Variants in LCORL observed in about 807,000 individuals in gnomAD.
LCORL encodes the protein ligand-dependent nuclear receptor corepressor-like protein.
A neutral mutation model predicts 141.8 loss-of-function variants in LCORL; 41 were observed. That is an observed-to-expected ratio of 0.29 (90% CI 0.23 to 0.38). LCORL has a LOEUF of 0.38. Among genes scored for constraint, LCORL ranks in the 10% least tolerant of loss-of-function variants. The probability of loss-of-function intolerance (pLI) is 1.00; values close to 1 mark genes in which losing one functional copy is unlikely to be tolerated. For missense variants in LCORL, 1,759 were observed against 2,035.0 expected (o/e 0.86, Z 2.61); for synonymous variants, 618 against 694.1 (o/e 0.89, Z 1.72).
intron 5 of LCORL, among the ~76,000 whole-genome samples, chr4:17,898,015 C>A (rs551294475): frequency 1.5e-4 from 23 of 152,230 alleles, no homozygotes; most frequent in African/African-American, 4.8e-4. Context: ...CGTTTCCAAT[C>A]CACATGTAAT....
chr4:17,873,584 T>C (rs912034747), exon 7 of LCORL: 11 of 1,233,764 alleles, frequency 8.9e-6, no homozygotes, highest in Non-Finnish European at 1.1e-5. Flanking sequence ...GGTCAGCAAA[T>C]TCATCAGCTG....
At chr4:17,972,928 G>T in intron 1 of LCORL, 43 bp from the exon 2 acceptor site, 2 of 911,742 alleles carry the variant, frequency 2.2e-6, no homozygotes, top group Non-Finnish European at 3.1e-6. Context: ...TACTAGAAAA[G>T]TTACATTTTA....
At chr4:17,908,963 A>AT in intron 5 of LCORL, 131 bp downstream of exon 5, 1 of 802,380 alleles carries the variant, frequency 1.2e-6, no homozygotes, top group African/African-American at 1.7e-5. Flanking sequence ...TCTCCAGCAC[A>AT]TATTACATAA....
At chr4:17,997,925 CT>C (rs1288320444) in intron 1 of LCORL, among the ~76,000 whole-genome samples, 1 of 152,092 alleles carries the variant, frequency 6.6e-6, no homozygotes, top group Non-Finnish European at 1.5e-5. Context: ...AAATTAAGGG[CT>C]TGTGCATTGC....
chr4:17,917,204 TTTTG>T (rs1250689861), intron 4 of LCORL, among the ~76,000 whole-genome samples: 1 of 151,534 alleles, frequency 6.6e-6, no homozygotes, highest in Non-Finnish European at 1.5e-5. Context: ...TTTTGTTTTG[TTTTG>T]TTTTTTTTTG....
chr4:17,991,280 T>G (rs571554265), intron 1 of LCORL, among the ~76,000 whole-genome samples: 301 of 152,350 alleles, frequency 2.0e-3, no homozygotes, highest in Middle Eastern at 3.4e-3. Context: ...CTACTCCTTG[T>G]TCTTCTCCAT....
At chr4:17,977,193 A>T (rs1392401665) in intron 1 of LCORL, among the ~76,000 whole-genome samples, 1 of 152,158 alleles carries the variant, frequency 6.6e-6, no homozygotes, top group Non-Finnish European at 1.5e-5. Context: ...TATTAGATAT[A>T]CTACAATTTT....
intron 6 of LCORL, 123 bp from the exon 7 acceptor site, chr4:17,878,336 T>C (rs1727127289): frequency 2.0e-6 from 1 of 512,542 alleles, no homozygotes; most frequent in South Asian, 1.1e-4. Context: ...CCTAGAGAGC[T>C]GCAATAATGG....
intron 7 of LCORL, among the ~76,000 whole-genome samples, chr4:17,853,787 C>T (rs1311507324): frequency 1.3e-5 from 2 of 152,066 alleles, no homozygotes; most frequent in South Asian, 2.1e-4. Context: ...CCAAATATCA[C>T]GATAGGTTTG....
chr4:17,999,411 G>A (rs952268650), intron 1 of LCORL, among the ~76,000 whole-genome samples: 3 of 149,486 alleles, frequency 2.0e-5, no homozygotes, highest in Non-Finnish European at 3.0e-5. Flanking sequence ...CCGAGACTGC[G>A]CCACTGCACT....
intron 1 of LCORL, among the ~76,000 whole-genome samples, chr4:18,016,480 G>A (rs1054858495): frequency 6.6e-6 from 1 of 152,086 alleles, no homozygotes. Context: ...GTGGTATCAT[G>A]GTAATCAAGA....
At chr4:17,899,699 T>A (rs1730582043) in intron 5 of LCORL, among the ~76,000 whole-genome samples, 2 of 152,148 alleles carry the variant, frequency 1.3e-5, no homozygotes, top group Admixed American at 6.5e-5. Context: ...ACGAAAGTTA[T>A]CTCTTTGGGG....
exon 6 of LCORL, chr4:17,886,157 A>G: frequency 6.4e-7 from 1 of 1,566,022 alleles, no homozygotes; most frequent in Non-Finnish European, 8.7e-7. Flanking sequence ...CTAACACTCC[A>G]TCCCCTATAA....
chr4:17,881,729 A>G lies in LCORL; in HGVS notation c.777-3516T>C. On this transcript the variant is annotated intron_variant, in intron 6 of 7. Coordinates refer to ENST00000635767, the Ensembl canonical transcript of LCORL. ...ATAGTGTGAGGAATAAAAAAGCTCA[A>G]TACAATATAAATATTATGTAATGCA... 3.1e-6 allele frequency: 3 copies of G among 954,276 alleles called. No homozygotes were observed. The South Asian group carries it at 1.5e-4, about 46-fold the overall frequency. 59.1% of individuals were successfully genotyped at this position (954,276 alleles called of 1,614,324 possible).
At chr4:17,917,546 G>A (rs1175672327) in intron 4 of LCORL, among the ~76,000 whole-genome samples, 1 of 152,232 alleles carries the variant, frequency 6.6e-6, no homozygotes, top group Non-Finnish European at 1.5e-5. Context: ...GTTAAACAAA[G>A]AGACAGCAGG....
intron 4 of LCORL, among the ~76,000 whole-genome samples, chr4:17,921,912 GAACATCA>G (rs1734360518): frequency 6.6e-6 from 1 of 152,070 alleles, no homozygotes; most frequent in Admixed American, 6.5e-5. Flanking sequence ...TCCTGCCCTC[GAACATCA>G]AACTCCCAAG....
chr4:17,850,733 A>T (rs1183314851), intron 7 of LCORL, among the ~76,000 whole-genome samples: 1 of 151,720 alleles, frequency 6.6e-6, no homozygotes, highest in Non-Finnish European at 1.5e-5. Context: ...TTCCTCAGGG[A>T]TCTAGAACTA....
intron 6 of LCORL, among the ~76,000 whole-genome samples, chr4:17,878,819 C>A (rs749598141): frequency 2.0e-5 from 3 of 151,184 alleles, no homozygotes; most frequent in Non-Finnish European, 4.5e-5. Flanking sequence ...AAAGTAATTT[C>A]ATAAAAGCTA....
chr4:17,910,092 A>G (rs745614425), intron 4 of LCORL, among the ~76,000 whole-genome samples: 3 of 152,192 alleles, frequency 2.0e-5, no homozygotes, highest in African/African-American at 4.8e-5. Flanking sequence ...TGAGAGTTTT[A>G]ACCAAAACAT....
Sources: gnomAD v4.1 joint callset for allele counts (sites outside exome capture counted in the v4.1 genomes callset) on GRCh38, gnomAD v4.1.1 for gene constraint, MANE v1.5 for transcripts, NCBI Gene and HGNC (gene_info 2026-07-23, HGNC 2026-07-21) for gene names.